SLIT1: variants seen among roughly 807,000 people sequenced by gnomAD.
The protein encoded by SLIT1 is slit homolog 1 protein.
In SLIT1, 66 loss-of-function variants were observed where a neutral mutation model predicts 186.1. The ratio of observed to expected loss-of-function variants is 0.35; its 90% CI spans 0.29 to 0.44. SLIT1 has a LOEUF of 0.44. Ranked by LOEUF, SLIT1 falls within the 20% of genes least tolerant of loss-of-function variation. SLIT1 has a pLI of 1.00. For missense variants in SLIT1, 1,638 were observed against 2,037.4 expected, an observed-to-expected ratio of 0.80 and a Z score of 3.77; for synonymous variants, 761 against 833.8, an observed-to-expected ratio of 0.91 and a Z score of 1.50.
intron 4 of SLIT1, among the ~76,000 whole-genome samples, chr10:97,151,700 C>T (rs901070978): frequency 3.9e-5 from 6 of 152,210 alleles, no homozygotes; most frequent in Non-Finnish European, 1.5e-5. Context: ...GTCACATACC[C>T]GCTGAGCTTG....
At chr10:97,019,227 C>A in intron 26 of SLIT1, 120 bp from the exon 27 acceptor site, 1 of 663,676 alleles carries the variant, frequency 1.5e-6, no homozygotes, top group Non-Finnish European at 2.7e-6. Context: ...TGATTTTTCC[C>A]CAGATCGTGC....
chr10:97,043,161 GCCACATGGCAC>G lies in SLIT1; in HGVS notation c.1998-105_1998-95del. On this transcript the variant is annotated intron_variant, in intron 19 of 36. Coordinates refer to ENST00000266058, the MANE Select transcript of SLIT1 (RefSeq NM_003061.3). This position sits in a 1 kb window ranked among gnomAD's most constrained non-coding sequence, Gnocchi z 7.0. ...TGTACCACGGACACAGGGCCACATG[GCCACATGGCAC>G]TGTCTCCCAGACCACCACCCATCAC... 7.1e-7 allele frequency: 1 copy of G among 1,417,948 alleles called. No homozygotes were observed. The highest frequency in any genetic ancestry group is 9.7e-7 in the Non-Finnish European group (1 of 1,031,190). 87.8% of individuals were successfully genotyped at this position (1,417,948 alleles called of 1,614,324 possible).
chr10:97,141,736 T>TGTATTGTATC (rs1849765554), intron 4 of SLIT1, among the ~76,000 whole-genome samples: 1 of 127,402 alleles, frequency 7.8e-6, no homozygotes. Context: ...TGTACTGTAT[T>TGTATTGTATC]GTATCGTATC....
At chr10:97,173,279 G>T (rs1850214540) in intron 1 of SLIT1, among the ~76,000 whole-genome samples, 1 of 152,174 alleles carries the variant, frequency 6.6e-6, no homozygotes, top group Non-Finnish European at 1.5e-5. Context: ...CCTTCCATGG[G>T]GCAGCACGGG....
chr10:97,023,308 C>T (rs1463601421), intron 25 of SLIT1, among the ~76,000 whole-genome samples: 1 of 151,442 alleles, frequency 6.6e-6, no homozygotes, highest in East Asian at 1.9e-4. Context: ...TCAAGTGATC[C>T]GTCCACCTCA....
intron 1 of SLIT1, among the ~76,000 whole-genome samples, chr10:97,178,517 C>G (rs1450595084): frequency 6.6e-6 from 1 of 152,176 alleles, no homozygotes; most frequent in Non-Finnish European, 1.5e-5. Context: ...CCATTAAATG[C>G]CATGTGCGAT....
intron 4 of SLIT1, among the ~76,000 whole-genome samples, chr10:97,099,922 G>A (rs773911082): frequency 7.9e-5 from 12 of 152,190 alleles, no homozygotes; most frequent in South Asian, 2.1e-4. Context: ...TGAGCCTCAC[G>A]TTGAAAAGCC....
chr10:97,147,800 G>C (rs1849834412), intron 4 of SLIT1, among the ~76,000 whole-genome samples: 1 of 152,136 alleles, frequency 6.6e-6, no homozygotes. Flanking sequence ...TCCAGGCTGA[G>C]CTCACACAAC....
chr10:97,060,860 T>C, intron 8 of SLIT1, 73 bp from the exon 9 acceptor site: 5 of 1,461,254 alleles, frequency 3.4e-6, no homozygotes, highest in African/African-American at 2.8e-5. Context: ...TACCGACTGA[T>C]GGATGGGATA....
intron 4 of SLIT1, chr10:97,155,230 A>C (rs1849933792): frequency 6.6e-6 from 1 of 152,166 alleles, no homozygotes; most frequent in Non-Finnish European, 1.5e-5. Context: ...AAACCACCCA[A>C]AGTTATGCCT....
intron 31 of SLIT1, among the ~76,000 whole-genome samples, chr10:97,008,953 C>T (rs1310666252): frequency 6.6e-6 from 1 of 151,894 alleles, no homozygotes; most frequent in African/African-American, 2.4e-5. Flanking sequence ...GATCTCGGCT[C>T]ACTGCAAGCT....
At position 97,163,468 on chromosome 10, in the gene SLIT1, A is replaced by G; in HGVS notation, c.270-17T>C. 1 of 1,612,338 alleles carries G rather than the reference A, an allele frequency of 6.2e-7. No individual in the cohort carries two copies. Among genetic ancestry groups the G allele is most frequent in the Non-Finnish European group, 8.5e-7 (1 of 1,178,282 alleles). On this transcript the variant is annotated splice_polypyrimidine_tract_variant and intron_variant, in intron 2 of 36. Coordinates refer to ENST00000266058, the MANE Select transcript of SLIT1 (RefSeq NM_003061.3). ...ATCAGCTGCCTGGGGAAGCAAAGAG[A>G]CAAGGACAGCTACAGGGTGTGGGAC...
Position 97,087,001 on chromosome 10 carries a change from G to A in SLIT1, c.414-20915C>T, listed in dbSNP as rs541124765. ...ATAACAGGGGAGGCTGTGCTTGTGA[G>A]GGAATGGGGATGGGGTAAATTGGGA... On this transcript the variant is annotated intron_variant, in intron 4 of 36. Transcript: ENST00000266058. Among the ~76,000 whole-genome samples the A allele has an allele frequency of 1.5e-3, 234 of 152,156 alleles. 1 individual carries two copies. The highest frequency in any genetic ancestry group is 4.9e-3 in the African/African-American group (204 of 41,484).
At position 97,146,879 on chromosome 10, in the gene SLIT1, C is replaced by T. The variant is rs973192798; in HGVS notation, c.413+10939G>A. On this transcript the variant is annotated intron_variant, in intron 4 of 36. Coordinates refer to ENST00000266058, the MANE Select transcript of SLIT1 (RefSeq NM_003061.3). ...CCCACTTGTGCTGGGGAAACAAGAA[C>T]GACTCCTGCCTGAGCCTCTGTCCAA... Among the ~76,000 whole-genome samples the T allele has an allele frequency of 2.0e-4, 30 of 152,138 alleles. 1 individual carries two copies. Among genetic ancestry groups the T allele is most frequent in the Admixed American group, 1.4e-3 (22 of 15,274 alleles).
chr10:97,164,694 C>T, intron 2 of SLIT1, 125 bp downstream of exon 2: 2 of 745,130 alleles, frequency 2.7e-6, no homozygotes, highest in Middle Eastern at 3.3e-4. Context: ...GGATGTCTTG[C>T]CAAGACTGAC....
intron 3 of SLIT1, among the ~76,000 whole-genome samples, chr10:97,160,391 T>C (rs1254025966): frequency 6.6e-6 from 1 of 152,232 alleles, no homozygotes; most frequent in African/African-American, 2.4e-5. Flanking sequence ...AAAGGAAAGC[T>C]GCTAATTAAA....
chr10:97,002,763 C>T lies in SLIT1; in HGVS notation c.4095G>A (p.Glu1365=). ...CACAGTGCAGGCCCACCCAGCCAGC[C>T]TCGCAGTGGCACATGGGCCCTGGGG... ...NATPGPMCHC[E]AGWVGLHCDQ... Residue 1365 remains glutamate (E), a synonymous_variant, in exon 35 of 37, where the codon GAG becomes GAA. Transcript: ENST00000266058. 2 of 1,611,700 alleles carry T rather than the reference C, an allele frequency of 1.2e-6. No individual in the cohort carries two copies. Among genetic ancestry groups the T allele is most frequent in the Non-Finnish European group, 8.5e-7 (1 of 1,178,458 alleles).
At chr10:97,066,473 G>A (rs1178719918) in intron 4 of SLIT1, among the ~76,000 whole-genome samples, 1 of 152,178 alleles carries the variant, frequency 6.6e-6, no homozygotes, top group Non-Finnish European at 1.5e-5. Context: ...CAGTGCTGGA[G>A]GTGGGGCCTG....
chr10:96,998,481 C>G lies in SLIT1; in HGVS notation c.*2631G>C, dbSNP rs1848268737. 1 of 152,198 alleles carries G rather than the reference C, an allele frequency of 6.6e-6. No individual in the cohort carries two copies. The highest frequency in any genetic ancestry group is 1.9e-4 in the East Asian group (1 of 5,190). The allele number at this position is 152,198 out of a possible 1,614,324, so 9.4% of individuals were successfully genotyped here. On this transcript the variant is annotated 3_prime_UTR_variant, in exon 37 of 37. Coordinates refer to ENST00000266058, the MANE Select transcript of SLIT1 (RefSeq NM_003061.3). The stretch of plus-strand genomic sequence containing the variant: ...CGCACCCTGCTGTATCTCTTCATGC[C>G]TAAAATGCAGAGCGAACTAGGGGTC...
Sources: allele counts gnomAD v4.1 joint callset (sites outside exome capture counted in the v4.1 genomes callset), GRCh38; gene constraint gnomAD v4.1.1; non-coding constraint Gnocchi (gnomAD v3.1); transcripts MANE v1.5; gene names NCBI Gene and HGNC (gene_info 2026-07-23, HGNC 2026-07-21).